The following L3MBTL4 variants were observed in gnomAD, a reference collection of about 807,000 sequenced individuals.
L3MBTL4 encodes the protein L3MBTL histone methyl-lysine binding protein 4, also known as lethal(3)malignant brain tumor-like protein 4.
Under a neutral mutation model 84.5 loss-of-function variants are expected in L3MBTL4, and 70 were observed. The observed-to-expected ratio is 0.83, with a 90% confidence interval of 0.68 to 1.01. The LOEUF is 1.01. Among genes scored for constraint, L3MBTL4 ranks in the 50% least tolerant of loss-of-function variants. L3MBTL4 has a pLI of 0.00. For synonymous variants in L3MBTL4, 274 were observed against 259.8 expected, an observed-to-expected ratio of 1.05 and a Z score of -0.52; for missense variants, 715 against 754.8, an observed-to-expected ratio of 0.95 and a Z score of 0.62.
intron 12 of L3MBTL4, among the ~76,000 whole-genome samples, chr18:6,186,002 A>ATTT (rs542901226): frequency 1.0e-3 from 138 of 134,118 alleles, no homozygotes; most frequent in African/African-American, 5.1e-3. Flanking sequence ...TTATTATTTT[A>ATTT]TATTTTATTT....
intron 16 of L3MBTL4, among the ~76,000 whole-genome samples, chr18:6,057,783 G>A (rs948725603): frequency 6.6e-6 from 1 of 152,122 alleles, no homozygotes; most frequent in African/African-American, 2.4e-5. Context: ...AATGATACAC[G>A]GTGTACCCCC....
intron 4 of L3MBTL4, among the ~76,000 whole-genome samples, chr18:6,277,324 A>C (rs192672896): frequency 2.0e-5 from 3 of 152,332 alleles, no homozygotes; most frequent in Admixed American, 2.0e-4. Flanking sequence ...CTAAGTCTTT[A>C]ATCTATTTGA....
chr18:6,030,198 T>C (rs2055719822), intron 16 of L3MBTL4: 2 of 829,770 alleles, frequency 2.4e-6, no homozygotes, highest in Non-Finnish European at 2.9e-6. Context: ...AAGAGAAGTA[T>C]ACAGTGATTA....
chr18:5,985,157 A>G (rs2053412461), intron 16 of L3MBTL4, among the ~76,000 whole-genome samples: 1 of 152,162 alleles, frequency 6.6e-6, no homozygotes. Flanking sequence ...CAAACTAGTG[A>G]AGATACAAAG....
intron 8 of L3MBTL4, among the ~76,000 whole-genome samples, chr18:6,240,102 T>C (rs1037863755): frequency 6.6e-6 from 1 of 152,222 alleles, no homozygotes; most frequent in African/African-American, 2.4e-5. Context: ...TTGCCTTTTG[T>C]TGTGCAGGGA....
At chr18:5,987,833 G>T (rs970045661) in intron 16 of L3MBTL4, among the ~76,000 whole-genome samples, 10 of 151,834 alleles carry the variant, frequency 6.6e-5, no homozygotes, top group Non-Finnish European at 1.2e-4. Flanking sequence ...ATTTTCTCTG[G>T]CAAGAGATTG....
At chr18:6,054,262 G>T (rs2056935635) in intron 16 of L3MBTL4, among the ~76,000 whole-genome samples, 1 of 151,982 alleles carries the variant, frequency 6.6e-6, no homozygotes, top group Non-Finnish European at 1.5e-5. Context: ...TGTCACTTAA[G>T]TCCCCCAGAG....
At chr18:6,344,824 T>A (rs1599718494) in intron 1 of L3MBTL4, among the ~76,000 whole-genome samples, 1 of 150,602 alleles carries the variant, frequency 6.6e-6, no homozygotes, top group African/African-American at 2.4e-5. Context: ...TTTTCATGAT[T>A]AAAAAAAAAC....
chr18:6,197,926 G>A (rs923549645), intron 12 of L3MBTL4, among the ~76,000 whole-genome samples: 2 of 152,194 alleles, frequency 1.3e-5, no homozygotes, highest in African/African-American at 4.8e-5. Flanking sequence ...AGGTTAAGTG[G>A]TGCAGGTCAG....
chr18:5,990,843 C>T (rs1194280079), intron 16 of L3MBTL4, among the ~76,000 whole-genome samples: 2 of 151,086 alleles, frequency 1.3e-5, no homozygotes, highest in South Asian at 4.2e-4. Flanking sequence ...ACCAATGGTA[C>T]CTTTTACATG....
chr18:6,095,535 A>G (rs2058610507), intron 14 of L3MBTL4, among the ~76,000 whole-genome samples: 1 of 152,042 alleles, frequency 6.6e-6, no homozygotes, highest in African/African-American at 2.4e-5. Context: ...TATTTTTAGT[A>G]GAGACGGGGT....
chr18:6,099,249 C>A (rs975771023), intron 14 of L3MBTL4, among the ~76,000 whole-genome samples: 27 of 152,204 alleles, frequency 1.8e-4, no homozygotes, highest in African/African-American at 6.5e-4. Context: ...TACTCTCACA[C>A]AGTATAAGGA....
At chr18:6,051,136 A>G (rs1292861784) in intron 16 of L3MBTL4, among the ~76,000 whole-genome samples, 7 of 152,210 alleles carry the variant, frequency 4.6e-5, no homozygotes, top group African/African-American at 7.2e-5. Context: ...CAGAGCACCA[A>G]GCTAATTTGG....
chr18:6,237,678 A>G (rs2047272489), intron 10 of L3MBTL4, among the ~76,000 whole-genome samples: 1 of 149,694 alleles, frequency 6.7e-6, no homozygotes, highest in African/African-American at 2.5e-5. Context: ...CTGGTCTTGA[A>G]CTCCTGACCT....
intron 12 of L3MBTL4, among the ~76,000 whole-genome samples, chr18:6,174,825 G>A (rs998729878): frequency 9.3e-5 from 14 of 150,432 alleles, no homozygotes; most frequent in Admixed American, 5.3e-4. Flanking sequence ...CCGAAATTGC[G>A]GCACTGCACT....
At chr18:6,295,346 C>CTCTCTCTCTCTATATATATATA (rs1261475809) in intron 4 of L3MBTL4, among the ~76,000 whole-genome samples, 1 of 81,386 alleles carries the variant, frequency 1.2e-5, no homozygotes, top group African/African-American at 6.6e-5. Flanking sequence ...CTCTCTCTCT[C>CTCTCTCTCTCTATATATATATA]TATATATATA....
chr18:5,999,250 C>T (rs908125990), intron 16 of L3MBTL4, among the ~76,000 whole-genome samples: 10 of 152,322 alleles, frequency 6.6e-5, no homozygotes, highest in African/African-American at 1.2e-4. Context: ...TGAAATTCCA[C>T]CCACTATTTA....
intron 16 of L3MBTL4, among the ~76,000 whole-genome samples, chr18:6,080,541 C>T (rs929718781): frequency 6.6e-6 from 1 of 152,230 alleles, no homozygotes. Flanking sequence ...TTCAGTGAGA[C>T]ACTCCTGGTT....
chr18:6,046,643 C>G (rs2056631595), intron 16 of L3MBTL4: 1 of 678,272 alleles, frequency 1.5e-6, no homozygotes, highest in Middle Eastern at 2.5e-4. Flanking sequence ...AAACTTGCAC[C>G]TGAATGACTT....
Sources: allele counts gnomAD v4.1 joint callset (sites outside exome capture counted in the v4.1 genomes callset), GRCh38; gene constraint gnomAD v4.1.1; transcripts MANE v1.5; gene names NCBI Gene and HGNC (gene_info 2026-07-23, HGNC 2026-07-21).